The following ANKIB1 variants were observed in gnomAD, a reference collection of about 807,000 sequenced individuals.
The protein encoded by ANKIB1 is ankyrin repeat and IBR domain containing 1.
ANKIB1 carries 43 observed loss-of-function variants against 122.1 expected under a neutral mutation model. That is an observed-to-expected ratio of 0.35 (90% CI 0.28 to 0.45). ANKIB1 has a LOEUF of 0.45. Among genes scored for constraint, ANKIB1 ranks in the 20% least tolerant of loss-of-function variants. The pLI, the probability that ANKIB1 is intolerant of heterozygous loss-of-function variation, is 1.00. For missense variants in ANKIB1, 992 were observed against 1,329.5 expected, an observed-to-expected ratio of 0.75 and a Z score of 3.95; for synonymous variants, 390 against 442.0, an observed-to-expected ratio of 0.88 and a Z score of 1.48.
At position 92,344,914 on chromosome 7, in the gene ANKIB1, A is replaced by G. The variant is rs576053096; in HGVS notation, c.997-64A>G. The G allele has an allele frequency of 1.7e-4, 239 of 1,406,658 alleles. 1 individual carries two copies. In the African/African-American group the frequency reaches 3.3e-3, roughly 19 times the overall value. The allele number at this position is 1,406,658 out of a possible 1,614,324, so 87.1% of individuals were successfully genotyped here. The stretch of plus-strand genomic sequence containing the variant: ...ATTTTTGCCTTTTAAAAAAGTAAAC[A>G]AAATGTATTGTTCTCTTTCAGAAGT... On this transcript the variant is annotated intron_variant, in intron 6 of 19. Coordinates refer to ENST00000265742, the MANE Select transcript of ANKIB1 (RefSeq NM_019004.2).
intron 1 of ANKIB1, among the ~76,000 whole-genome samples, chr7:92,275,691 C>T (rs1441214422): frequency 1.3e-5 from 2 of 152,112 alleles, no homozygotes; most frequent in African/African-American, 4.8e-5. Context: ...AGTAGAAGTG[C>T]ACAAACTAAA....
intron 11 of ANKIB1, among the ~76,000 whole-genome samples, chr7:92,379,092 C>CT (rs1804451371): frequency 6.6e-6 from 1 of 152,140 alleles, no homozygotes; most frequent in Admixed American, 6.6e-5. Context: ...GTTTCGGAAT[C>CT]TAAGTAAACT....
intron 3 of ANKIB1, among the ~76,000 whole-genome samples, chr7:92,310,837 C>T (rs1436342292): frequency 2.0e-5 from 3 of 152,142 alleles, no homozygotes; most frequent in Non-Finnish European, 4.4e-5. Flanking sequence ...ATATTTTTTA[C>T]CTGCTGTTGG....
intron 1 of ANKIB1, among the ~76,000 whole-genome samples, chr7:92,291,567 CTTT>C (rs1188174295): frequency 1.7e-5 from 2 of 116,516 alleles, no homozygotes; most frequent in Non-Finnish European, 1.8e-5. Flanking sequence ...TTTTCTTTTT[CTTT>C]TTTTTTTTTT....
Position 92,246,503 on chromosome 7 carries a change from C to T in ANKIB1, c.-107C>T. On this transcript the variant is annotated 5_prime_UTR_variant, in exon 1 of 20. Transcript: ENST00000265742. ...TGCTGGGTCCACCGACCCTTACCCT[C>T]AGCGAGAGAAGTAACCGTAAGTCTC... is the stretch of plus-strand genomic sequence containing the variant. 1.9e-6 allele frequency: 1 copy of T among 518,528 alleles called. No individual in the cohort carries two copies. Among genetic ancestry groups the T allele is most frequent in the South Asian group, 1.4e-5 (1 of 71,518 alleles). 32.1% of individuals were successfully genotyped at this position (518,528 alleles called of 1,614,324 possible).
chr7:92,362,263 A>T lies in ANKIB1; in HGVS notation c.1476A>T (p.Lys492Asn). 6.3e-7 allele frequency: 1 copy of T among 1,587,592 alleles called. No homozygotes were observed. ...KNWLQKITEM[K>N]PEELVGVSEA... The stretch of plus-strand genomic sequence containing the variant: ...GGCTGCAAAAAATAACCGAAATGAA[A>T]CCAGAAGAACGTAAGAGGAATTTTA... Residue 492 changes from lysine (K) to asparagine (N), a missense_variant, in exon 10 of 20, where the codon AAA (lysine) becomes AAT (asparagine). This residue lies in a region of ANKIB1 where 521 missense variants were observed against 777.7 expected (regional missense o/e 0.67). Transcript: ENST00000265742.
chr7:92,343,129 C>T lies in ANKIB1; in HGVS notation c.893C>T (p.Ala298Val). 1 of 1,613,902 alleles carries T rather than the reference C, an allele frequency of 6.2e-7. No individual in the cohort carries two copies. The highest frequency in any genetic ancestry group is 8.5e-7 in the Non-Finnish European group (1 of 1,179,842). The change falls in exon 6 of 20, where the codon GCC (alanine) becomes GTC (valine). Residue 298 changes from alanine (A) to valine (V), a missense_variant. This residue lies in a region of ANKIB1 where 521 missense variants were observed against 777.7 expected (regional missense o/e 0.67). Transcript: ENST00000265742. ...ACTCCACCACCAAGTGGGTATAATG[C>T]CTGGGACACGCTCCCATCTCCAAGA... ...MPTPPPSGYN[A>V]WDTLPSPRTP...
At chr7:92,274,411 T>G (rs893855313) in intron 1 of ANKIB1, among the ~76,000 whole-genome samples, 22 of 152,180 alleles carry the variant, frequency 1.4e-4, no homozygotes, top group African/African-American at 5.1e-4. Flanking sequence ...TCCACTGTAA[T>G]AAGGTATATG....
intron 14 of ANKIB1, 88 bp downstream of exon 14, chr7:92,388,129 T>A: frequency 8.2e-7 from 1 of 1,220,002 alleles, no homozygotes; most frequent in Non-Finnish European, 1.2e-6. Flanking sequence ...CTGAAAGGAA[T>A]ACATTATGTT....
chr7:92,254,881 CAT>C (rs1380994592), intron 1 of ANKIB1, among the ~76,000 whole-genome samples: 4 of 152,292 alleles, frequency 2.6e-5, no homozygotes, highest in South Asian at 4.1e-4. Context: ...TAAATTCCCA[CAT>C]GTTGTGGGAG....
At chr7:92,365,748 G>A (rs1804058669) in intron 10 of ANKIB1, among the ~76,000 whole-genome samples, 1 of 151,524 alleles carries the variant, frequency 6.6e-6, no homozygotes, top group South Asian at 2.1e-4. Flanking sequence ...TCAGGTGGGA[G>A]GGGGCATATA....
At chr7:92,355,882 A>ATAATAATAG (rs1554345436) in intron 9 of ANKIB1, among the ~76,000 whole-genome samples, 2 of 112,686 alleles carry the variant, frequency 1.8e-5, no homozygotes, top group African/African-American at 3.3e-5. Context: ...AATAATAATA[A>ATAATAATAG]TAATAGTAAT....
chr7:92,389,415 G>A (rs1238837634), intron 14 of ANKIB1, among the ~76,000 whole-genome samples: 3 of 151,604 alleles, frequency 2.0e-5, no homozygotes, highest in Admixed American at 2.0e-4. Flanking sequence ...CAGATATTAA[G>A]GCAATTTAGT....
intron 1 of ANKIB1, among the ~76,000 whole-genome samples, chr7:92,270,157 G>A (rs760740209): frequency 4.6e-5 from 7 of 151,994 alleles, no homozygotes; most frequent in Non-Finnish European, 1.0e-4. Context: ...CGACTTCCTG[G>A]GCTTAAATGA....
chr7:92,365,821 C>CAG (rs60766571), intron 10 of ANKIB1, among the ~76,000 whole-genome samples: 43,625 of 86,714 alleles, frequency 0.5, 10,693 homozygotes, highest in African/African-American at 0.66. Flanking sequence ...TTTTTTGAGA[C>CAG]AGTCTCGCTC....
chr7:92,376,851 C>G (rs1804393550), intron 11 of ANKIB1, among the ~76,000 whole-genome samples: 1 of 152,174 alleles, frequency 6.6e-6, no homozygotes, highest in African/African-American at 2.4e-5. Context: ...TTACCTGTCT[C>G]TGTCTTCATA....
At chr7:92,370,817 T>G (rs1447305161) in intron 10 of ANKIB1, among the ~76,000 whole-genome samples, 1 of 143,550 alleles carries the variant, frequency 7.0e-6, no homozygotes, top group Non-Finnish European at 1.6e-5. Context: ...GGTGGGCCCT[T>G]GAAGGAACTG....
chr7:92,364,631 A>G (rs1008564016), intron 10 of ANKIB1, among the ~76,000 whole-genome samples: 1 of 152,208 alleles, frequency 6.6e-6, no homozygotes, highest in Admixed American at 6.5e-5. Context: ...GTTAAGGTCC[A>G]TGGGAGAAAC....
At chr7:92,278,443 C>G (rs184460400) in intron 1 of ANKIB1, among the ~76,000 whole-genome samples, 2 of 152,186 alleles carry the variant, frequency 1.3e-5, no homozygotes, top group Admixed American at 1.3e-4. Flanking sequence ...AAGAGAGGAA[C>G]CCTTCCAAAA....
Sources: allele counts gnomAD v4.1 joint callset (sites outside exome capture counted in the v4.1 genomes callset), GRCh38; gene constraint gnomAD v4.1.1; regional missense constraint gnomAD v4.1.1; transcripts MANE v1.5; gene names NCBI Gene and HGNC (gene_info 2026-07-23, HGNC 2026-07-21).